G6PD: variants seen among roughly 807,000 people sequenced by gnomAD.
G6PD encodes the protein glucose-6-phosphate 1-dehydrogenase.
Under a neutral mutation model 38.2 loss-of-function variants are expected in G6PD, and 2 were observed. The observed-to-expected ratio is 0.05, with a 90% CI of 0.02 to 0.16. G6PD has a LOEUF of 0.16. Ranked by LOEUF, G6PD falls within the 10% of genes least tolerant of loss-of-function variation. The pLI is 1.00. For synonymous variants in G6PD, 188 were observed against 196.0 expected (o/e 0.96, Z 0.34); for missense variants, 310 against 471.6 (o/e 0.66, Z 3.17).
intron 2 of G6PD, among the ~76,000 whole-genome samples, chrX:154,538,733 C>A (rs1557231252): frequency 9.0e-6 from 1 of 111,356 alleles, no homozygotes; most frequent in Non-Finnish European, 1.9e-5. Context: ...TTGAGACCAG[C>A]CTGACCAACA....
intron 2 of G6PD, among the ~76,000 whole-genome samples, chrX:154,537,150 A>G (rs2070417863): frequency 9.2e-6 from 1 of 109,139 alleles, no homozygotes; most frequent in Admixed American, 9.7e-5. Context: ...CCAAAAATAC[A>G]AAAAATTAGC....
intron 1 of G6PD, 34 bp downstream of exon 1, chrX:154,546,755 C>A: frequency 9.1e-7 from 1 of 1,104,494 alleles, no homozygotes; most frequent in South Asian, 2.0e-5. Context: ...ACAGTACGCT[C>A]CTCCGCCTGC....
In G6PD at chrX:154,534,088, C is replaced by T; in HGVS notation, c.717G>A (p.Glu239=). The part of the protein sequence containing the change: ...NIACVILTFK[E]PFGTEGRGGY... Reference sequence around the variant, plus strand: ...CCCCGCGACCCTCAGTGCCAAAGGGCTCCTTGAAGGTGAGGATAACGCAGG... The same window carrying T: ...CCCCGCGACCCTCAGTGCCAAAGGGTTCCTTGAAGGTGAGGATAACGCAGG... The change falls in exon 7 of 13, where the codon GAG becomes GAA. Residue 239 remains glutamate (E), a synonymous_variant. Coordinates refer to ENST00000393562, the MANE Select transcript of G6PD (RefSeq NM_001360016.2). 1 of 1,211,975 alleles carries T rather than the reference C, an allele frequency of 8.3e-7. No homozygotes were observed.
chrX:154,535,202 T>C lies in G6PD; in HGVS notation c.451A>G (p.Thr151Ala). The change falls in exon 5 of 13, where the codon ACC becomes GCC. Residue 151 changes from threonine (T) to alanine (A), a missense_variant. Around this residue, in one of 4 missense-constraint regions of G6PD, gnomAD observed 96 missense variants for 93.3 expected, o/e 1.03. Transcript: ENST00000393562. ...ALPPTVYEAVTKNIHESCMSQ... is the reference protein window; with the variant it reads ...ALPPTVYEAVAKNIHESCMSQ... ...ATGCAGGACTCGTGAATGTTCTTGG[T>C]GACGGCCTCGTAGACGGTCGGGGGC... 1.7e-6 allele frequency: 2 copies of C among 1,211,198 alleles called. No individual in the cohort carries two copies. Among genetic ancestry groups the C allele is most frequent in the Non-Finnish European group, 2.2e-6 (2 of 895,365 alleles).
At chrX:154,546,947 G>A, upstream of G6PD, 4 of 413,785 alleles carry the variant, frequency 9.7e-6, no homozygotes, top group Non-Finnish European at 1.4e-5. Context: ...CGGGGCCTCG[G>A]CCACCACCCC....
intron 2 of G6PD, among the ~76,000 whole-genome samples, chrX:154,541,635 C>T (rs782479267): frequency 8.0e-5 from 9 of 111,803 alleles, no homozygotes; most frequent in African/African-American, 2.9e-4. Flanking sequence ...TCAAGGGGTC[C>T]TTAGTGAAAA....
chrX:154,535,603 C>A, intron 4 of G6PD: 1 of 459,882 alleles, frequency 2.2e-6, no homozygotes. Context: ...AGACACTGCC[C>A]CAGGCTGGGA....
upstream of G6PD, chrX:154,546,879 C>A (rs1557233604): frequency 9.8e-7 from 1 of 1,024,595 alleles, no homozygotes; most frequent in Non-Finnish European, 1.3e-6. Flanking sequence ...ATTTAATCGG[C>A]GGGGGCGGGG....
At chrX:154,547,395 C>T, upstream of G6PD, 4 of 755,140 alleles carry the variant, frequency 5.3e-6, no homozygotes, top group Non-Finnish European at 6.3e-6. Context: ...CGAGGCTAGA[C>T]GCCGCCGTCC....
intron 2 of G6PD, among the ~76,000 whole-genome samples, chrX:154,540,584 G>C (rs1244951610): frequency 3.0e-5 from 3 of 101,491 alleles, no homozygotes; most frequent in Non-Finnish European, 6.0e-5. Flanking sequence ...GTTGCAGTGA[G>C]CCAAGATTGC....
chrX:154,540,638 G>GAA lies in G6PD; in HGVS notation c.121-4462_121-4461dup, dbSNP rs34859682. 4.6e-3 allele frequency among the ~76,000 whole-genome samples: 297 copies of GAA among 64,246 alleles called. 6 individuals carry two copies. Among genetic ancestry groups the GAA allele is most frequent in the African/African-American group, 7.3e-3 (111 of 15,293 alleles). 55.8% of individuals were successfully genotyped at this position (64,246 alleles called of 115,157 possible). A position where few individuals can be genotyped will look rare whatever the true frequency, so the allele number is the denominator to read the frequency against. On this transcript the variant is annotated intron_variant, in intron 2 of 12. Transcript: ENST00000393562. The stretch of plus-strand genomic sequence containing the variant: ...GGGTGACAGCAAGACTCCATGTCAC[G>GAA]AAAAAAAAAAAAAAAAAACACATGC...
intron 2 of G6PD, among the ~76,000 whole-genome samples, chrX:154,536,488 C>A (rs2070409986): frequency 8.9e-6 from 1 of 112,077 alleles, no homozygotes; most frequent in African/African-American, 3.2e-5. Flanking sequence ...CAAGTGCTTA[C>A]ATTAGCAAAA....
In G6PD at chrX:154,532,174, C is replaced by A. The variant is rs1557229462; in HGVS notation, c.1457+14G>T. 4 of 1,207,598 alleles carry A rather than the reference C, an allele frequency of 3.3e-6. No individual in the cohort carries two copies. Among genetic ancestry groups the A allele is most frequent in the Non-Finnish European group, 4.5e-6 (4 of 894,010 alleles). ...CCCGCTGGGCTCTGTCCCCAGCCCC[C>A]ACCCTTTCCTCACCTGCCATAAATA... is the stretch of plus-strand genomic sequence containing the variant. On this transcript the variant is annotated intron_variant, in intron 12 of 12. Transcript: ENST00000393562.
chrX:154,538,286 C>T (rs782459274), intron 2 of G6PD, among the ~76,000 whole-genome samples: 2 of 111,617 alleles, frequency 1.8e-5, no homozygotes, highest in South Asian at 3.7e-4. Context: ...TGAGCCACGA[C>T]GACCCACTGA....
At chrX:154,547,291 C>T (rs2070767927), upstream of G6PD, 2 of 746,919 alleles carry the variant, frequency 2.7e-6, no homozygotes, top group Non-Finnish European at 3.2e-6. Context: ...CGCCACTCCC[C>T]CGGGAACCCT....
intron 1 of G6PD, 51 bp from the exon 2 acceptor site, chrX:154,546,214 G>T: frequency 8.3e-7 from 1 of 1,201,015 alleles, no homozygotes; most frequent in Non-Finnish European, 1.1e-6. Context: ...AGAGCATTGA[G>T]AAGTTAGCCC....
chrX:154,546,748 G>C (rs1379012913), intron 1 of G6PD, 41 bp downstream of exon 1: 42 of 1,072,596 alleles, frequency 3.9e-5, no homozygotes, highest in Non-Finnish European at 5.3e-5. Flanking sequence ...GCGCGGGACA[G>C]TACGCTCCTC....
chrX:154,535,261 C>A lies in G6PD; in HGVS notation c.392G>T (p.Gly131Val), dbSNP rs137852341. 23 of 1,210,297 alleles carry A rather than the reference C, an allele frequency of 1.9e-5. No individual in the cohort carries two copies. In the East Asian group the frequency reaches 6.2e-4, roughly 33 times the overall value. ...GTAGAAGAGGCGGTTGGCCTGTGAC[C>A]CCAGGTGGAGGGCATTCATGTGGCT... ...LNSHMNALHL[G>V]SQANRLFYLA... The change falls in exon 5 of 13, where the codon GGG (glycine) becomes GTG (valine). Residue 131 changes from glycine (G) to valine (V), a missense_variant. Around this residue, in one of 4 missense-constraint regions of G6PD, gnomAD observed 96 missense variants for 93.3 expected, o/e 1.03. Transcript: ENST00000393562.
At chrX:154,546,665 G>A in intron 1 of G6PD, 124 bp downstream of exon 1, 2 of 583,143 alleles carry the variant, frequency 3.4e-6, no homozygotes, top group Middle Eastern at 3.3e-4. Context: ...TAAAGGGATT[G>A]GTTAAGACCC....
Sources: allele counts gnomAD v4.1 joint callset (sites outside exome capture counted in the v4.1 genomes callset), GRCh38; gene constraint gnomAD v4.1.1; regional missense constraint gnomAD v4.1.1; transcripts MANE v1.5; gene names NCBI Gene and HGNC (gene_info 2026-07-23, HGNC 2026-07-21).